Variants in PCSK5 observed in about 807,000 individuals in gnomAD.
PCSK5 encodes proprotein convertase subtilisin/kexin type 5, also known as prohormone convertase 5.
In PCSK5, 129 loss-of-function variants were observed where a neutral mutation model predicts 233.2. That is an observed-to-expected ratio of 0.55 (90% confidence interval 0.48 to 0.64). The LOEUF is 0.64. Among genes scored for constraint, PCSK5 ranks in the 30% least tolerant of loss-of-function variants. The pLI is 0.00. For missense variants in PCSK5, 2,076 were observed against 2,430.1 expected, an observed-to-expected ratio of 0.85 and a Z score of 3.06; for synonymous variants, 825 against 879.2, an observed-to-expected ratio of 0.94 and a Z score of 1.09.
At chr9:76,217,167 G>C (rs945469040) in intron 20 of PCSK5, among the ~76,000 whole-genome samples, 2 of 152,328 alleles carry the variant, frequency 1.3e-5, no homozygotes, top group Non-Finnish European at 2.9e-5. Flanking sequence ...CACAGTATGA[G>C]AAGGAATAAT....
At chr9:76,195,777 T>C (rs1207388029) in intron 20 of PCSK5, 2 of 152,132 alleles carry the variant, frequency 1.3e-5, no homozygotes, top group Non-Finnish European at 2.9e-5. Context: ...ATGTGTAAAA[T>C]GTTCAGTTGT....
chr9:76,315,108 AC>A (rs1564174629), intron 30 of PCSK5, among the ~76,000 whole-genome samples: 1 of 148,654 alleles, frequency 6.7e-6, no homozygotes, highest in African/African-American at 2.5e-5. Context: ...ATCCATCACC[AC>A]GCCCAGCTAA....
chr9:76,145,214 T>G (rs547283146), intron 10 of PCSK5, among the ~76,000 whole-genome samples: 10 of 152,326 alleles, frequency 6.6e-5, no homozygotes, highest in Non-Finnish European at 1.2e-4. Flanking sequence ...AATCTCAGAC[T>G]CTTAAGTGAT....
At chr9:76,021,985 T>C (rs1394329098) in intron 3 of PCSK5, among the ~76,000 whole-genome samples, 1 of 152,176 alleles carries the variant, frequency 6.6e-6, no homozygotes, top group African/African-American at 2.4e-5. Flanking sequence ...TGCCTTACCA[T>C]CTTTGCATTT....
intron 20 of PCSK5, among the ~76,000 whole-genome samples, chr9:76,220,420 G>A (rs1229956539): frequency 4.0e-5 from 6 of 151,124 alleles, no homozygotes; most frequent in African/African-American, 4.9e-5. Context: ...CCAGCTACTC[G>A]GAAGGCTGAG....
At chr9:76,014,176 A>C (rs183874916) in intron 3 of PCSK5, among the ~76,000 whole-genome samples, 16 of 152,300 alleles carry the variant, frequency 1.1e-4, no homozygotes, top group Non-Finnish European at 2.2e-4. Flanking sequence ...ATAGAAACAA[A>C]AAAATTACAT....
chr9:76,153,289 A>G (rs1235731810), intron 10 of PCSK5, among the ~76,000 whole-genome samples: 1 of 152,246 alleles, frequency 6.6e-6, no homozygotes, highest in Non-Finnish European at 1.5e-5. Flanking sequence ...TATTCTGTAT[A>G]CATAACTTGT....
intron 7 of PCSK5, among the ~76,000 whole-genome samples, chr9:76,095,068 T>C (rs1165367110): frequency 6.6e-6 from 1 of 152,238 alleles, no homozygotes; most frequent in Non-Finnish European, 1.5e-5. Context: ...ACAATAAGCA[T>C]TCATTTATTA....
chr9:76,184,785 A>G (rs769278204), intron 17 of PCSK5, 28 bp downstream of exon 17: 2 of 1,306,520 alleles, frequency 1.5e-6, no homozygotes, highest in Non-Finnish European at 1.1e-6. Context: ...TTTATCAAGT[A>G]ACACAGCCCA....
In PCSK5 at chr9:76,069,996, A is replaced by AT. The variant is rs146321207; in HGVS notation, c.722-1707dup. Among the ~76,000 whole-genome samples, 612 of 122,552 alleles carry AT rather than the reference A, an allele frequency of 5.0e-3. 2 individuals are homozygous for AT. Among genetic ancestry groups the AT allele is most frequent in the Non-Finnish European group, 7.7e-3 (466 of 60,466 alleles). The allele number at this position is 122,552 out of a possible 152,430, so 80.4% of individuals were successfully genotyped here. ...GACAAACTTTCCAATTTCCATTCCA[A>AT]TTTTTTTTTTTTTTTTTTTTTTTAG... On this transcript the variant is annotated intron_variant, in intron 6 of 37. Coordinates refer to ENST00000674117, the MANE Select transcript of PCSK5 (RefSeq NM_001372043.1).
At chr9:76,337,325 T>C (rs1587348623) in intron 34 of PCSK5, among the ~76,000 whole-genome samples, 1 of 150,372 alleles carries the variant, frequency 6.7e-6, no homozygotes, top group African/African-American at 2.4e-5. Context: ...TGGCTACTTT[T>C]GTTTGTTTGT....
chr9:76,063,228 G>A (rs576242693), intron 5 of PCSK5, among the ~76,000 whole-genome samples: 5 of 150,624 alleles, frequency 3.3e-5, no homozygotes, highest in East Asian at 3.9e-4. Flanking sequence ...TTGATCTCCC[G>A]GGCTTAAGTG....
rs991043770 is a variant in PCSK5 at position 76,006,159 on chromosome 9, A to G, written c.412-17579A>G. ...CAGAATCACAACCCTGCTTTGCCCC[A>G]ACTCTTTATTCTTAGGCATTTGAAT... On this transcript the variant is annotated intron_variant, in intron 3 of 37. Transcript: ENST00000674117. 5.9e-5 allele frequency among the ~76,000 whole-genome samples: 9 copies of G among 151,978 alleles called. No individual in the cohort carries two copies. The South Asian group carries it at 1.9e-3, about 32-fold the overall frequency.
chr9:76,249,182 G>T (rs1334223099), intron 24 of PCSK5, among the ~76,000 whole-genome samples: 1 of 152,224 alleles, frequency 6.6e-6, no homozygotes, highest in Non-Finnish European at 1.5e-5. Context: ...CTGGAAGGTT[G>T]TTACTTGCAT....
intron 20 of PCSK5, chr9:76,193,259 A>G: frequency 6.2e-7 from 1 of 1,613,640 alleles, no homozygotes; most frequent in Non-Finnish European, 8.5e-7. Context: ...CCTGGGCGGA[A>G]GGAGGCTTCT....
chr9:76,195,663 C>T (rs931368449), intron 20 of PCSK5: 3 of 152,044 alleles, frequency 2.0e-5, no homozygotes, highest in Non-Finnish European at 2.9e-5. Context: ...AATGCTCTAA[C>T]CTTCTAGAGA....
At position 76,188,670 on chromosome 9, in the gene PCSK5, G is replaced by A; in HGVS notation, c.2375G>A (p.Cys792Tyr). ...CCCTGCCACCGCTTCTGCGCCACTT[G>A]TGCTGGTACCTTCCCTAGTTCTTTT... ...CQPCHRFCAT[C>Y]AGAGADGCIN... Residue 792 changes from cysteine (C) to tyrosine (Y), a missense_variant, in exon 18 of 38, where the codon TGT becomes TAT. Coordinates refer to ENST00000674117, the MANE Select transcript of PCSK5 (RefSeq NM_001372043.1). 1 of 1,611,618 alleles carries A rather than the reference G, an allele frequency of 6.2e-7. No homozygotes were observed. The highest frequency in any genetic ancestry group is 8.5e-7 in the Non-Finnish European group (1 of 1,177,840).
chr9:76,352,390 G>A (rs554153230), intron 36 of PCSK5, among the ~76,000 whole-genome samples: 55 of 152,136 alleles, frequency 3.6e-4, no homozygotes, highest in Admixed American at 6.5e-4. Context: ...TGTATCTTGT[G>A]CCAACCTCCT....
At chr9:76,268,291 G>A (rs547324527) in intron 24 of PCSK5, among the ~76,000 whole-genome samples, 15 of 152,028 alleles carry the variant, frequency 9.9e-5, no homozygotes, top group Admixed American at 3.9e-4. Flanking sequence ...CCACACATAC[G>A]CACATACACG....
Sources: allele counts gnomAD v4.1 joint callset (sites outside exome capture counted in the v4.1 genomes callset), GRCh38; gene constraint gnomAD v4.1.1; transcripts MANE v1.5; gene names NCBI Gene and HGNC (gene_info 2026-07-23, HGNC 2026-07-21).